The following ABCC9 variants were observed in gnomAD, a reference collection of about 807,000 sequenced individuals.
ABCC9 encodes ATP binding cassette subfamily C member 9, also known as ATP-binding cassette sub-family C member 9.
ABCC9 carries 95 observed loss-of-function variants against 188.3 expected under a neutral mutation model. The ratio of observed to expected loss-of-function variants is 0.50; its 90% CI spans 0.43 to 0.60. ABCC9 has a LOEUF of 0.60. Ranked by LOEUF, ABCC9 falls within the 20% of genes least tolerant of loss-of-function variation. The pLI, the probability that ABCC9 is intolerant of heterozygous loss-of-function variation, is 0.00. For missense variants in ABCC9, 1,102 were observed against 1,876.3 expected (o/e 0.59, Z 7.62); for synonymous variants, 659 against 652.7 (o/e 1.01, Z -0.15).
chr12:21,877,573 G>A (rs889006115), intron 16 of ABCC9, among the ~76,000 whole-genome samples: 1 of 152,138 alleles, frequency 6.6e-6, no homozygotes, highest in East Asian at 1.9e-4. Flanking sequence ...TAGGGTAGGT[G>A]AGGAGGCTAA....
intron 5 of ABCC9, chr12:21,922,822 A>C (rs1489035322): frequency 2.0e-5 from 3 of 150,328 alleles, no homozygotes; most frequent in Non-Finnish European, 4.5e-5. Context: ...AAGAACTAGA[A>C]TAGCCAAAGC....
intron 13 of ABCC9, among the ~76,000 whole-genome samples, chr12:21,894,460 G>A (rs570683236): frequency 1.3e-5 from 2 of 152,276 alleles, no homozygotes; most frequent in East Asian, 3.9e-4. Context: ...GGAATAAAGG[G>A]ATGGAGAACC....
At position 21,878,230 on chromosome 12, in the gene ABCC9, G is replaced by T. The variant is rs151066998; in HGVS notation, c.2020-2504C>A. ...AAATAAAAATTTGTAAGTGCTAAAA[G>T]ACTCAACCCAAGGTAGAACACACAA... On this transcript the variant is annotated intron_variant, in intron 16 of 39. Transcript: ENST00000261200. Among the ~76,000 whole-genome samples, 197 of 152,258 alleles carry T rather than the reference G, an allele frequency of 1.3e-3. 1 individual carries two copies. The highest frequency in any genetic ancestry group is 4.6e-3 in the African/African-American group (193 of 41,562).
At chr12:21,927,569 G>A (rs1026670695) in intron 4 of ABCC9, among the ~76,000 whole-genome samples, 1 of 152,172 alleles carries the variant, frequency 6.6e-6, no homozygotes, top group Non-Finnish European at 1.5e-5. Flanking sequence ...AGAAGTAGAA[G>A]ATAATTCCTA....
rs1422946042 is a variant in ABCC9 at position 21,878,575 on chromosome 12, AAGAC to A, written c.2020-2853_2020-2850del. 2.6e-5 allele frequency among the ~76,000 whole-genome samples: 4 copies of A among 152,200 alleles called. No individual in the cohort carries two copies. The East Asian group carries it at 7.7e-4, about 29-fold the overall frequency. On this transcript the variant is annotated intron_variant, in intron 16 of 39. Transcript: ENST00000261200. ...ATCCTAACTATGTGTGGCACATACA[AAGAC>A]AGAACGGTGGACTAGGAAACATACT...
At chr12:21,838,894 T>C (rs962220453) in intron 29 of ABCC9, among the ~76,000 whole-genome samples, 1 of 152,164 alleles carries the variant, frequency 6.6e-6, no homozygotes, top group East Asian at 1.9e-4. Flanking sequence ...GCCGTGGTGG[T>C]GCACACCAGT....
intron 4 of ABCC9, among the ~76,000 whole-genome samples, chr12:21,928,235 G>A (rs1949117489): frequency 7.3e-6 from 1 of 137,748 alleles, no homozygotes; most frequent in South Asian, 2.5e-4. Flanking sequence ...AAGAAGCAAA[G>A]GAAAGGAAGG....
At position 21,805,042 on chromosome 12, in the gene ABCC9, A is replaced by G. The variant is rs962287138; in HGVS notation, c.4512+956T>C. Reference sequence around the variant, plus strand: ...AGCACTTGGTTGAGCTGATTTTGTAATAACACCCTGCAGTTAGTTCCCTCA... The same window carrying G: ...AGCACTTGGTTGAGCTGATTTTGTAGTAACACCCTGCAGTTAGTTCCCTCA... On this transcript the variant is annotated intron_variant, in intron 39 of 39. Coordinates refer to ENST00000261200, the MANE Select transcript of ABCC9 (RefSeq NM_020297.4). 29 of 1,354,400 alleles carry G rather than the reference A, an allele frequency of 2.1e-5. No individual in the cohort carries two copies. In the African/African-American group the frequency reaches 3.9e-4, roughly 18 times the overall value. The allele number at this position is 1,354,400 out of a possible 1,614,324, so 83.9% of individuals were successfully genotyped here.
chr12:21,930,694 A>T (rs942904003), intron 4 of ABCC9, among the ~76,000 whole-genome samples: 4 of 152,192 alleles, frequency 2.6e-5, no homozygotes, highest in African/African-American at 7.2e-5. Flanking sequence ...AATGGCCAAA[A>T]CTTAGAAGCA....
At chr12:21,927,957 C>T (rs544285285) in intron 4 of ABCC9, among the ~76,000 whole-genome samples, 3 of 152,192 alleles carry the variant, frequency 2.0e-5, no homozygotes, top group East Asian at 1.9e-4. Context: ...TGGTGGCTTA[C>T]GCTTGCAATC....
chr12:21,806,180 G>T, intron 38 of ABCC9, 120 bp from the exon 39 acceptor site: 1 of 913,304 alleles, frequency 1.1e-6, no homozygotes. Context: ...CTCATTTTCT[G>T]TGGAAGTCAT....
At chr12:21,816,451 A>G (rs1335330061) in intron 33 of ABCC9, among the ~76,000 whole-genome samples, 1 of 152,158 alleles carries the variant, frequency 6.6e-6, no homozygotes, top group Non-Finnish European at 1.5e-5. Flanking sequence ...GGATGGTGCT[A>G]ACCTTGGAGG....
chr12:21,806,754 T>C (rs1025191020), intron 38 of ABCC9, among the ~76,000 whole-genome samples: 2 of 152,204 alleles, frequency 1.3e-5, no homozygotes, highest in African/African-American at 4.8e-5. Flanking sequence ...CTAGCTCATA[T>C]GCAGTTTGTG....
chr12:21,895,775 T>C (rs1049655451), intron 12 of ABCC9, among the ~76,000 whole-genome samples: 4 of 152,318 alleles, frequency 2.6e-5, no homozygotes, highest in African/African-American at 9.6e-5. Flanking sequence ...TATTCATTTA[T>C]GGCCCTTTCA....
chr12:21,874,868 G>A (rs704204), intron 17 of ABCC9, among the ~76,000 whole-genome samples: 151,963 of 152,316 alleles, frequency 1, 75,806 homozygotes, highest in Middle Eastern at 1. Flanking sequence ...TCACAGAAAC[G>A]GAAAATAGAA....
chr12:21,909,634 A>G (rs1045131094), intron 10 of ABCC9, among the ~76,000 whole-genome samples: 8 of 151,934 alleles, frequency 5.3e-5, no homozygotes, highest in African/African-American at 1.9e-4. Flanking sequence ...TTTGCAATAT[A>G]CTAACTATTG....
rs184123387 is a variant in ABCC9, at chr12:21,848,259, T to C, written c.2770-13A>G. The C allele has an allele frequency of 4.6e-4, 741 of 1,608,738 alleles. 3 individuals carry two copies. Among genetic ancestry groups the C allele is most frequent in the Middle Eastern group, 9.9e-4 (6 of 6,034 alleles). On this transcript the variant is annotated splice_polypyrimidine_tract_variant and intron_variant, in intron 24 of 39. Coordinates refer to ENST00000261200, the MANE Select transcript of ABCC9 (RefSeq NM_020297.4). ...CAGCTTCCATATCCTGCAGTAAACA[T>C]TGTACTATCATGCAAGGAGCTAACA...
intron 2 of ABCC9, among the ~76,000 whole-genome samples, chr12:21,939,111 A>G (rs113365204): frequency 2.2e-4 from 33 of 152,302 alleles, no homozygotes; most frequent in African/African-American, 7.7e-4. Context: ...AGATAGGAAA[A>G]TAAGAAATGA....
chr12:21,852,443 C>T lies in ABCC9; in HGVS notation c.2568G>A (p.Leu856=). 2 of 1,613,700 alleles carry T rather than the reference C, an allele frequency of 1.2e-6. No homozygotes were observed. Among genetic ancestry groups the T allele is most frequent in the Non-Finnish European group, 1.7e-6 (2 of 1,179,924 alleles). Reference sequence around the variant, plus strand: ...TCCTTTTGTCATCTTGCAGGAATTTCAAAATCCCCTCCTGCATTAAATGAT... The same window carrying T: ...TCCTTTTGTCATCTTGCAGGAATTTTAAAATCCCCTCCTGCATTAAATGAT... ...LSDHLMQEGI[L]KFLQDDKRTL... Residue 856 remains leucine (L), a synonymous_variant, in exon 23 of 40, where the codon TTG becomes TTA. Coordinates refer to ENST00000261200, the MANE Select transcript of ABCC9 (RefSeq NM_020297.4).
Sources: gnomAD v4.1 joint callset for allele counts (sites outside exome capture counted in the v4.1 genomes callset) on GRCh38, gnomAD v4.1.1 for gene constraint, MANE v1.5 for transcripts, NCBI Gene and HGNC (gene_info 2026-07-23, HGNC 2026-07-21) for gene names.